The following PCBP3 variants were observed in gnomAD, a reference collection of about 807,000 sequenced individuals.
PCBP3 encodes the protein poly(rC)-binding protein 3.
A neutral mutation model predicts 52.7 loss-of-function variants in PCBP3; 25 were observed. The ratio of observed to expected loss-of-function variants is 0.47; its 90% CI spans 0.35 to 0.66. PCBP3 has a LOEUF of 0.66. Ranked by LOEUF, PCBP3 falls within the 30% of genes least tolerant of loss-of-function variation. The pLI is 0.01. For synonymous variants in PCBP3, 162 were observed against 183.0 expected (o/e 0.89, Z 0.93); for missense variants, 391 against 490.3 (o/e 0.80, Z 1.91).
At chr21:45,886,585 A>G (rs113562833) in intron 5 of PCBP3, among the ~76,000 whole-genome samples, 8 of 103,570 alleles carry the variant, frequency 7.7e-5, no homozygotes, top group Admixed American at 1.9e-4. Flanking sequence ...TGCCGCTGGT[A>G]CCAAGGGCAG....
intron 1 of PCBP3, among the ~76,000 whole-genome samples, chr21:45,644,505 G>C (rs1004409281): frequency 9.3e-6 from 1 of 107,432 alleles, no homozygotes; most frequent in African/African-American, 3.2e-5. Context: ...TCGTGAAAGA[G>C]TTTTTTTCTT....
chr21:45,936,969 T>C (rs2076954067), intron 16 of PCBP3, among the ~76,000 whole-genome samples: 1 of 152,164 alleles, frequency 6.6e-6, no homozygotes, highest in Non-Finnish European at 1.5e-5. Context: ...TCCATGCTTC[T>C]TCATGGAAAA....
chr21:45,721,402 G>A (rs1484804296), intron 2 of PCBP3, among the ~76,000 whole-genome samples: 1 of 103,546 alleles, frequency 9.7e-6, no homozygotes, highest in Admixed American at 1.2e-4. Context: ...GACGGAGTAA[G>A]ACTCCATCTC....
intron 2 of PCBP3, among the ~76,000 whole-genome samples, chr21:45,700,260 C>T (rs1334267782): frequency 2.6e-5 from 4 of 152,204 alleles, no homozygotes; most frequent in Non-Finnish European, 5.9e-5. Flanking sequence ...CTGAAAAATC[C>T]TGTCTTTTTA....
At chr21:45,896,599 C>T (rs4819167) in intron 6 of PCBP3, among the ~76,000 whole-genome samples, 2,976 of 16,344 alleles carry the variant, frequency 0.18, no homozygotes, top group East Asian at 0.4. Context: ...GAACTGGAGA[C>T]GCACTGCCCG....
rs1042394454 is a variant in PCBP3, at chr21:45,737,248, G to A, written c.-162+1819G>A. 2.0e-5 allele frequency among the ~76,000 whole-genome samples: 3 copies of A among 152,156 alleles called. No homozygotes were observed. The highest frequency in any genetic ancestry group is 7.2e-5 in the African/African-American group (3 of 41,430). ...ACAGCAGGGTGGGTGTGGGAGCAGG[G>A]AGCCAGCCAGTCTCTTCTCTGTGCT... is the stretch of plus-strand genomic sequence containing the variant. On this transcript the variant is annotated intron_variant, in intron 3 of 17. Coordinates refer to ENST00000681687, the MANE Select transcript of PCBP3 (RefSeq NM_001384156.1). The surrounding 1 kb of genome is among the most constrained non-coding windows in gnomAD (Gnocchi z 4.9).
intron 5 of PCBP3, among the ~76,000 whole-genome samples, chr21:45,879,608 TAAA>T (rs1310920533): frequency 4.6e-5 from 7 of 152,288 alleles, no homozygotes; most frequent in African/African-American, 1.7e-4. Context: ...TTAAATCATA[TAAA>T]ATGTATTTTC....
intron 2 of PCBP3, among the ~76,000 whole-genome samples, chr21:45,718,445 C>G (rs1383727829): frequency 4.0e-5 from 6 of 151,870 alleles, no homozygotes; most frequent in Admixed American, 2.0e-4. Context: ...GATCTTGCCT[C>G]TTTTTTAAAG....
At chr21:45,746,670 ATGG>A (rs1176470286) in intron 3 of PCBP3, among the ~76,000 whole-genome samples, 1 of 84,432 alleles carries the variant, frequency 1.2e-5, no homozygotes, top group African/African-American at 4.7e-5. Context: ...GTAGCGCCAC[ATGG>A]TGGTGTCAGC....
intron 11 of PCBP3, among the ~76,000 whole-genome samples, chr21:45,912,346 G>A (rs2096413092): frequency 6.6e-6 from 1 of 152,170 alleles, no homozygotes; most frequent in Non-Finnish European, 1.5e-5. Flanking sequence ...ATCCCAGGGA[G>A]GAAGATTCAT....
At chr21:45,793,595 C>T (rs1414557355) in intron 4 of PCBP3, among the ~76,000 whole-genome samples, 1 of 152,052 alleles carries the variant, frequency 6.6e-6, no homozygotes, top group African/African-American at 2.4e-5. Context: ...TGAGTGGGCG[C>T]GGGGAAAACA....
intron 2 of PCBP3, among the ~76,000 whole-genome samples, chr21:45,679,317 C>T (rs759247193): frequency 1.5e-4 from 23 of 152,106 alleles, no homozygotes; most frequent in Non-Finnish European, 2.2e-4. Flanking sequence ...GACGAGGTTT[C>T]GCCATGTTGG....
intron 12 of PCBP3, chr21:45,914,967 G>T (rs1210492089): frequency 1.3e-5 from 2 of 152,278 alleles, no homozygotes; most frequent in African/African-American, 4.8e-5. Flanking sequence ...TCCTTACGGT[G>T]TAAAGGAATC....
intron 3 of PCBP3, among the ~76,000 whole-genome samples, chr21:45,747,446 C>T (rs542750681): frequency 2.4e-4 from 36 of 152,244 alleles, no homozygotes; most frequent in Non-Finnish European, 4.3e-4. Flanking sequence ...GCCTGCTGAG[C>T]CTCCTGGACT....
chr21:45,815,846 ATGAG>A (rs2092920748), intron 4 of PCBP3, among the ~76,000 whole-genome samples: 1 of 65,250 alleles, frequency 1.5e-5, no homozygotes, highest in Non-Finnish European at 3.0e-5. Flanking sequence ...GTGGTGAGTG[ATGAG>A]TGAGTGGTGA....
At position 45,821,911 on chromosome 21, in the gene PCBP3, C is replaced by T. The variant is rs530693104; in HGVS notation, c.-125-28050C>T. ...CTCCTCCTTAGGGTGCATTGTCACT[C>T]GGCGTTTCCGACACCTGCTCTCATC... On this transcript the variant is annotated intron_variant, in intron 4 of 17. Transcript: ENST00000681687. This position sits in a 1 kb window ranked among gnomAD's most constrained non-coding sequence, Gnocchi z 4.4. 3.3e-5 allele frequency among the ~76,000 whole-genome samples: 5 copies of T among 152,294 alleles called. No individual in the cohort carries two copies. Among genetic ancestry groups the T allele is most frequent in the Admixed American group, 2.0e-4 (3 of 15,294 alleles).
chr21:45,929,483 G>A (rs1198204580), intron 13 of PCBP3, among the ~76,000 whole-genome samples: 2 of 152,232 alleles, frequency 1.3e-5, no homozygotes, highest in Non-Finnish European at 2.9e-5. Context: ...TCATGCCTCT[G>A]TGGATCCCAC....
intron 1 of PCBP3, among the ~76,000 whole-genome samples, chr21:45,648,622 A>G (rs1426288441): frequency 6.6e-6 from 1 of 152,232 alleles, no homozygotes; most frequent in African/African-American, 2.4e-5. Context: ...TTGTCAGATT[A>G]CTTTCCAGAG....
At chr21:45,732,908 CA>C (rs1174620578) in intron 2 of PCBP3, among the ~76,000 whole-genome samples, 8 of 152,332 alleles carry the variant, frequency 5.3e-5, no homozygotes, top group African/African-American at 1.9e-4. Context: ...GCTGGGATTA[CA>C]GGCTTGAGCC....
Sources: allele counts gnomAD v4.1 joint callset (sites outside exome capture counted in the v4.1 genomes callset), GRCh38; gene constraint gnomAD v4.1.1; non-coding constraint Gnocchi (gnomAD v3.1); transcripts MANE v1.5; gene names NCBI Gene and HGNC (gene_info 2026-07-23, HGNC 2026-07-21).